Variants in TNR observed in about 807,000 individuals in gnomAD.
TNR encodes tenascin R.
In TNR, 45 loss-of-function variants were observed where a neutral mutation model predicts 150.4. The ratio of observed to expected loss-of-function variants is 0.30; its 90% CI spans 0.24 to 0.38. TNR has a LOEUF of 0.38. TNR is among the 10% of genes least tolerant of loss of function. The probability of loss-of-function intolerance (pLI) is 1.00; values close to 1 mark genes in which losing one functional copy is unlikely to be tolerated. For synonymous variants in TNR, 687 were observed against 678.4 expected, an observed-to-expected ratio of 1.01 and a Z score of -0.20; for missense variants, 1,544 against 1,759.1, an observed-to-expected ratio of 0.88 and a Z score of 2.19.
intron 20 of TNR, among the ~76,000 whole-genome samples, chr1:175,331,039 T>TTCTTTCTTTCTTTCTTTCTTTCCTTC (rs1557867428): frequency 2.5e-4 from 18 of 73,354 alleles, no homozygotes; most frequent in Middle Eastern, 5.6e-3. Flanking sequence ...CTTTCTTTCT[T>TTCTTTCTTTCTTTCTTTCTTTCCTTC]TCTTTCTTTC....
rs554804580 is a variant in TNR, at chr1:175,743,407, T to G, written c.-346A>C. 3.9e-5 allele frequency: 6 copies of G among 152,166 alleles called. No individual in the cohort carries two copies. Among genetic ancestry groups the G allele is most frequent in the Non-Finnish European group, 7.3e-5 (5 of 68,080 alleles). 9.4% of individuals were successfully genotyped at this position (152,166 alleles called of 1,614,324 possible). A position where few individuals can be genotyped will look rare whatever the true frequency, so the allele number is the denominator to read the frequency against. The stretch of plus-strand genomic sequence containing the variant: ...CACGAAAGAAATGAAACCCAAGCTG[T>G]CAGGGCTACGGGTGGAAGGAGAATG... On this transcript the variant is annotated 5_prime_UTR_variant, in exon 1 of 23. Transcript: ENST00000367674.
At chr1:175,571,215 T>G (rs1661854097) in intron 1 of TNR, among the ~76,000 whole-genome samples, 2 of 152,202 alleles carry the variant, frequency 1.3e-5, no homozygotes, top group South Asian at 4.1e-4. Context: ...ACCTTTAGAA[T>G]GTTCACTTTG....
chr1:175,459,311 T>C (rs1656713713), intron 2 of TNR, among the ~76,000 whole-genome samples: 1 of 152,158 alleles, frequency 6.6e-6, no homozygotes, highest in African/African-American at 2.4e-5. Context: ...GCCACCGTCA[T>C]CATTACCTCC....
At chr1:175,706,547 T>A (rs1040321489) in intron 1 of TNR, among the ~76,000 whole-genome samples, 2 of 152,168 alleles carry the variant, frequency 1.3e-5, no homozygotes, top group African/African-American at 4.8e-5. Flanking sequence ...TCCACCCAGC[T>A]GAGCTCTTTC....
At chr1:175,359,143 T>TC (rs1651470371) in intron 15 of TNR, among the ~76,000 whole-genome samples, 1 of 112,924 alleles carries the variant, frequency 8.9e-6, no homozygotes, top group Admixed American at 9.5e-5. Context: ...TATCTTCTTT[T>TC]TTTTTTTTTT....
At chr1:175,539,747 C>A (rs1176908754) in intron 1 of TNR, among the ~76,000 whole-genome samples, 1 of 152,200 alleles carries the variant, frequency 6.6e-6, no homozygotes, top group Non-Finnish European at 1.5e-5. Context: ...CTTCGCAAAA[C>A]CCTCCAAATC....
At chr1:175,324,168 C>T (rs888761529) in intron 22 of TNR, among the ~76,000 whole-genome samples, 188 bp downstream of exon 22, 1 of 152,196 alleles carries the variant, frequency 6.6e-6, no homozygotes, top group African/African-American at 2.4e-5. Context: ...TGGGTCCTTT[C>T]CTTTCCTTCC....
At position 175,359,139 on chromosome 1, in the gene TNR, CTTTTTT is replaced by C. The variant is rs758610631; in HGVS notation, c.2974+467_2974+472del. 2.6e-3 allele frequency among the ~76,000 whole-genome samples: 111 copies of C among 42,148 alleles called. 1 individual carries two copies. The Middle Eastern group carries it at 0.075, about 28-fold the overall frequency. The allele number at this position is 42,148 out of a possible 152,430, so 27.7% of individuals were successfully genotyped here. On this transcript the variant is annotated intron_variant, in intron 15 of 22. Transcript: ENST00000367674. ...AGTTTGCAGAGTTTGGGGATATCTT[CTTTTTT>C]TTTTTTTTTTTTTTTTTTTAGATGG...
chr1:175,715,884 T>C lies in TNR; in HGVS notation c.-165+27342A>G, dbSNP rs115285750. On this transcript the variant is annotated intron_variant, in intron 1 of 22. Transcript: ENST00000367674. ...CTGTCAGAACACTGAGCAGGCTGTG[T>C]TTCTGGCGAGGGAGAGCTGGGATGC... Among the ~76,000 whole-genome samples, 442 of 152,314 alleles carry C rather than the reference T, an allele frequency of 2.9e-3. 1 individual carries two copies. Among genetic ancestry groups the C allele is most frequent in the African/African-American group, 0.01 (424 of 41,560 alleles).
intron 1 of TNR, among the ~76,000 whole-genome samples, chr1:175,639,796 C>G (rs2861315): frequency 6.6e-6 from 1 of 152,098 alleles, no homozygotes; most frequent in African/African-American, 2.4e-5. Flanking sequence ...ATTTCCTCTT[C>G]CTTCAGCGTG....
intron 2 of TNR, among the ~76,000 whole-genome samples, chr1:175,479,923 C>T (rs1657708365): frequency 1.3e-5 from 2 of 152,034 alleles, no homozygotes; most frequent in Admixed American, 1.3e-4. Flanking sequence ...GAATAGAATT[C>T]TGGAGAGATT....
At chr1:175,383,542 C>A (rs1252169984) in intron 8 of TNR, among the ~76,000 whole-genome samples, 2 of 152,188 alleles carry the variant, frequency 1.3e-5, no homozygotes, top group African/African-American at 4.8e-5. Context: ...CAATCACCGG[C>A]CATGGTGCAC....
Position 175,461,086 on chromosome 1 carries a change from G to A in TNR, c.-63-54309C>T, listed in dbSNP as rs116863009. On this transcript the variant is annotated intron_variant, in intron 2 of 22. Coordinates refer to ENST00000367674, the MANE Select transcript of TNR (RefSeq NM_003285.3). Reference sequence around the variant, plus strand: ...TCAGCTTGTTTGCCTCTGCTTCAGTGAAAAATTACTCAAAGCCTCAAGAAT... The same window carrying A: ...TCAGCTTGTTTGCCTCTGCTTCAGTAAAAAATTACTCAAAGCCTCAAGAAT... Among the ~76,000 whole-genome samples the A allele has an allele frequency of 2.3e-4, 35 of 152,346 alleles. No homozygotes were observed. The East Asian group carries it at 6.2e-3, about 27-fold the overall frequency.
intron 1 of TNR, among the ~76,000 whole-genome samples, chr1:175,621,511 T>G (rs1020250998): frequency 6.6e-6 from 1 of 152,254 alleles, no homozygotes; most frequent in African/African-American, 2.4e-5. Flanking sequence ...TGTATCTATC[T>G]AAATTATACT....
chr1:175,586,239 G>A (rs535027389), intron 1 of TNR, among the ~76,000 whole-genome samples: 1 of 152,302 alleles, frequency 6.6e-6, no homozygotes, highest in South Asian at 2.1e-4. Flanking sequence ...TTGTAGTCAG[G>A]AGGAATCCTA....
chr1:175,579,658 A>T (rs1304484362), intron 1 of TNR, among the ~76,000 whole-genome samples: 1 of 151,168 alleles, frequency 6.6e-6, no homozygotes. Flanking sequence ...AGGAGTACAG[A>T]CAAGGTCAGT....
At chr1:175,730,235 G>A (rs1036191369) in intron 1 of TNR, among the ~76,000 whole-genome samples, 2 of 152,068 alleles carry the variant, frequency 1.3e-5, no homozygotes, top group African/African-American at 4.8e-5. Context: ...CTTTCTACCG[G>A]GAGTGCCCCT....
intron 3 of TNR, 95 bp downstream of exon 3, chr1:175,406,121 G>A (rs541780314): frequency 1.0e-5 from 15 of 1,491,240 alleles, no homozygotes; most frequent in South Asian, 4.1e-5. Context: ...GTGCGTTTTC[G>A]CTGGAAGTGC....
chr1:175,515,917 A>G (rs1218176262), intron 2 of TNR, among the ~76,000 whole-genome samples: 1 of 152,230 alleles, frequency 6.6e-6, no homozygotes, highest in Non-Finnish European at 1.5e-5. Context: ...AAAAGTATGA[A>G]GAAAATAGTA....
Sources: allele counts gnomAD v4.1 joint callset (sites outside exome capture counted in the v4.1 genomes callset), GRCh38; gene constraint gnomAD v4.1.1; transcripts MANE v1.5; gene names NCBI Gene and HGNC (gene_info 2026-07-23, HGNC 2026-07-21).